CCDC62: variants seen among roughly 807,000 people sequenced by gnomAD.
CCDC62 encodes the protein coiled-coil domain-containing protein 62.
CCDC62 carries 72 observed loss-of-function variants against 80.8 expected under a neutral mutation model. The ratio of observed to expected loss-of-function variants is 0.89; its 90% CI spans 0.74 to 1.08. The LOEUF (loss-of-function observed/expected upper bound fraction) is 1.08. Ranked by LOEUF, CCDC62 falls within the 50% of genes least tolerant of loss-of-function variation. CCDC62 has a pLI of 0.00. For missense variants in CCDC62, 704 were observed against 809.4 expected (o/e 0.87, Z 1.58); for synonymous variants, 286 against 296.5 (o/e 0.96, Z 0.36).
Position 122,777,729 on chromosome 12 carries a change from AAC to A in CCDC62, c.229+50_229+51del, listed in dbSNP as rs1879569200. 3.9e-6 allele frequency: 6 copies of A among 1,527,202 alleles called. No individual in the cohort carries two copies. The Admixed American group carries it at 1.0e-4, about 26-fold the overall frequency. 94.6% of individuals were successfully genotyped at this position (1,527,202 alleles called of 1,614,324 possible). On this transcript the variant is annotated intron_variant, in intron 2 of 12. Transcript: ENST00000253079. ...CAACAGTTATGCACTTCTGTGTGCT[AAC>A]ACATTGATGGGCTCATAGGGAAGAT...
intron 10 of CCDC62, among the ~76,000 whole-genome samples, chr12:122,812,377 G>C (rs1327531362): frequency 6.7e-6 from 1 of 149,224 alleles, no homozygotes; most frequent in Non-Finnish European, 1.5e-5. Context: ...GGGAGGTGGA[G>C]GTTGCAGTGA....
intron 6 of CCDC62, among the ~76,000 whole-genome samples, chr12:122,794,611 A>G (rs2649895): frequency 0.93 from 142,154 of 152,288 alleles, 66,512 homozygotes; most frequent in East Asian, 0.99. Flanking sequence ...TAGACAATTG[A>G]TAGATTTGCA....
At chr12:122,785,028 A>C (rs2030124524) in intron 3 of CCDC62, among the ~76,000 whole-genome samples, 1 of 151,628 alleles carries the variant, frequency 6.6e-6, no homozygotes, top group Non-Finnish European at 1.5e-5. Context: ...AATCCCAGCT[A>C]CTTCAGAGGC....
In CCDC62 at chr12:122,782,245, C is replaced by T. The variant is rs2029908071; in HGVS notation, c.396+915C>T. On this transcript the variant is annotated intron_variant, in intron 3 of 12. Coordinates refer to ENST00000253079, the MANE Select transcript of CCDC62 (RefSeq NM_201435.5). Reference sequence around the variant, plus strand: ...TACGAAGGTATCTACACTCATCCACCCCTTGTAGTTTTGTGTTTCTCCTAC... The same window carrying T: ...TACGAAGGTATCTACACTCATCCACTCCTTGTAGTTTTGTGTTTCTCCTAC... Among the ~76,000 whole-genome samples, 3 of 152,228 alleles carry T rather than the reference C, an allele frequency of 2.0e-5. No homozygotes were observed. The South Asian group carries it at 6.2e-4, about 32-fold the overall frequency.
chr12:122,813,218 C>T lies in CCDC62; in HGVS notation c.1852-52C>T, dbSNP rs550156986. On this transcript the variant is annotated intron_variant, in intron 10 of 12. Coordinates refer to ENST00000253079, the MANE Select transcript of CCDC62 (RefSeq NM_201435.5). Reference sequence around the variant, plus strand: ...GAAAACAATATTCCTAGGTAGTTAGCATTTGTGTTTGTAAACCTAAGCATT... The same window carrying T: ...GAAAACAATATTCCTAGGTAGTTAGTATTTGTGTTTGTAAACCTAAGCATT... 2.6e-5 allele frequency: 40 copies of T among 1,513,954 alleles called. 1 individual carries two copies. In the South Asian group the frequency reaches 4.6e-4, roughly 18 times the overall value. 93.8% of individuals were successfully genotyped at this position (1,513,954 alleles called of 1,614,324 possible).
intron 9 of CCDC62, among the ~76,000 whole-genome samples, chr12:122,805,755 C>T (rs1051494215): frequency 6.6e-6 from 1 of 152,032 alleles, no homozygotes; most frequent in Non-Finnish European, 1.5e-5. Flanking sequence ...CCTGATCCGC[C>T]TGCCTCTGCC....
intron 11 of CCDC62, among the ~76,000 whole-genome samples, chr12:122,814,223 G>A (rs1311791969): frequency 7.0e-6 from 1 of 143,588 alleles, no homozygotes; most frequent in Non-Finnish European, 1.5e-5. Context: ...GGAGGTTATG[G>A]TAAGCCGAGA....
rs182170042 is a variant in CCDC62 at position 122,796,579 on chromosome 12, C to T, written c.773-728C>T. Among the ~76,000 whole-genome samples the T allele has an allele frequency of 3.0e-3, 463 of 152,038 alleles. 6 individuals carry two copies. The highest frequency in any genetic ancestry group is 0.01 in the African/African-American group (424 of 41,498). The stretch of plus-strand genomic sequence containing the variant: ...ACTGTTAAAATGTCTCAGTTTTGGC[C>T]GGGCATGGTGGCTCATGCCTGTAAT... On this transcript the variant is annotated intron_variant, in intron 6 of 12. Coordinates refer to ENST00000253079, the MANE Select transcript of CCDC62 (RefSeq NM_201435.5).
chr12:122,806,008 A>G (rs1426872010), intron 9 of CCDC62, 143 bp from the exon 10 acceptor site: 3 of 636,360 alleles, frequency 4.7e-6, no homozygotes, highest in African/African-American at 1.8e-5. Context: ...TTCTATTCCA[A>G]TCTATAATGT....
At chr12:122,788,969 C>T in intron 5 of CCDC62, 40 bp downstream of exon 5, 1 of 1,466,592 alleles carries the variant, frequency 6.8e-7, no homozygotes, top group South Asian at 1.3e-5. Flanking sequence ...AATGTATTAT[C>T]TTGGGAATAT....
At chr12:122,787,010 C>G (rs1468512649) in intron 4 of CCDC62, among the ~76,000 whole-genome samples, 2 of 152,136 alleles carry the variant, frequency 1.3e-5, no homozygotes, top group African/African-American at 4.8e-5. Context: ...ACAGTCATGT[C>G]TTTAGTCAAG....
intron 12 of CCDC62, among the ~76,000 whole-genome samples, chr12:122,825,988 C>T (rs1355194497): frequency 7.3e-5 from 5 of 68,550 alleles, no homozygotes; most frequent in Admixed American, 2.1e-4. Flanking sequence ...AACGAAACTC[C>T]GTCTCAAAAA....
At position 122,774,701 on chromosome 12, in the gene CCDC62, C is replaced by A. The variant is rs538615250; in HGVS notation, c.31C>A (p.Arg11Ser). MNPPAAFLAG[R>S]QNIGSEVEIS... ...CCCTCCGGCAGCCTTCCTTGCCGGG[C>A]GCCAGGTAAGCAGCGGTTCCGGGCG... Residue 11 changes from arginine to serine, a missense_variant, in exon 1 of 13, where the codon CGC becomes AGC. By Grantham distance (110) the Arg-to-Ser change is moderately radical (BLOSUM62 -1). Transcript: ENST00000253079. 9.5e-6 allele frequency: 12 copies of A among 1,256,690 alleles called. No individual in the cohort carries two copies. The South Asian group carries it at 3.8e-4, about 39-fold the overall frequency. 77.8% of individuals were successfully genotyped at this position (1,256,690 alleles called of 1,614,324 possible).
At chr12:122,813,789 T>C (rs2032044458) in intron 11 of CCDC62, among the ~76,000 whole-genome samples, 1 of 151,946 alleles carries the variant, frequency 6.6e-6, no homozygotes. Flanking sequence ...CCCAAGTAAC[T>C]GGGACTAAAG....
chr12:122,793,030 C>A (rs138218511), intron 6 of CCDC62, among the ~76,000 whole-genome samples: 376 of 152,218 alleles, frequency 2.5e-3, no homozygotes, highest in African/African-American at 8.6e-3. Flanking sequence ...CCTCGCAAGT[C>A]AAAAATGCAT....
rs771873623 is a variant in CCDC62, at chr12:122,781,302, ATTC to A, written c.373_375del (p.Ser125del). 6.2e-6 allele frequency: 10 copies of A among 1,614,080 alleles called. No individual in the cohort carries two copies. The highest frequency in any genetic ancestry group is 8.5e-6 in the Non-Finnish European group (10 of 1,179,982). On this transcript the variant is annotated inframe_deletion, in exon 3 of 13. Coordinates refer to ENST00000253079, the MANE Select transcript of CCDC62 (RefSeq NM_201435.5). ...CAGGAAATGGCTCAAAAGGCAACGC[ATTC>A]TTCTCTTCTCTCTGAAGACCTTGAG... is the stretch of plus-strand genomic sequence containing the variant.
Position 122,827,061 on chromosome 12 carries a change from C to T in CCDC62, c.*680C>T, listed in dbSNP as rs530584663. On this transcript the variant is annotated 3_prime_UTR_variant, in exon 13 of 13. Coordinates refer to ENST00000253079, the MANE Select transcript of CCDC62 (RefSeq NM_201435.5). ...GCTTGCTGGAAGATCGAGTTTTAGA[C>T]GCATTTTTAAAAATCTTAAAGACTA... 2.6e-5 allele frequency: 4 copies of T among 152,134 alleles called. No individual in the cohort carries two copies. Among genetic ancestry groups the T allele is most frequent in the East Asian group, 1.9e-4 (1 of 5,200 alleles). 9.4% of individuals were successfully genotyped at this position (152,134 alleles called of 1,614,324 possible). A position where few individuals can be genotyped will look rare whatever the true frequency, so the allele number is the denominator to read the frequency against.
chr12:122,819,411 C>T (rs924894146), intron 11 of CCDC62, among the ~76,000 whole-genome samples: 1 of 152,148 alleles, frequency 6.6e-6, no homozygotes, highest in Non-Finnish European at 1.5e-5. Context: ...TGATTCAGTC[C>T]TCCTGTTGGG....
chr12:122,791,868 G>A lies in CCDC62; in HGVS notation c.671-152G>A. ...AGCCTCCAACCAGGGGTCCTTGCCA[G>A]GTGTGGAGATGTTGGCTGTGAAACA... On this transcript the variant is annotated intron_variant, in intron 5 of 12. Coordinates refer to ENST00000253079, the MANE Select transcript of CCDC62 (RefSeq NM_201435.5). 4.7e-6 allele frequency: 3 copies of A among 631,738 alleles called. No individual in the cohort carries two copies. The South Asian group carries it at 5.6e-5, about 12-fold the overall frequency. The allele number at this position is 631,738 out of a possible 1,614,324, so 39.1% of individuals were successfully genotyped here.
Sources: allele counts gnomAD v4.1 joint callset (sites outside exome capture counted in the v4.1 genomes callset), GRCh38; gene constraint gnomAD v4.1.1; transcripts MANE v1.5; gene names NCBI Gene and HGNC (gene_info 2026-07-23, HGNC 2026-07-21).